Variants in NALF1 observed in about 807,000 individuals in gnomAD.
NALF1 encodes the protein NALCN channel auxiliary factor 1.
Under a neutral mutation model 48.4 loss-of-function variants are expected in NALF1, and 3 were observed. The ratio of observed to expected loss-of-function variants is 0.06; its 90% confidence interval spans 0.03 to 0.16. The LOEUF is 0.16. Among genes scored for constraint, NALF1 ranks in the 10% least tolerant of loss-of-function variants. The pLI, the probability that NALF1 is intolerant of heterozygous loss-of-function variation, is 1.00. For synonymous variants in NALF1, 262 were observed against 245.7 expected, an observed-to-expected ratio of 1.07 and a Z score of -0.62; for missense variants, 526 against 571.5, an observed-to-expected ratio of 0.92 and a Z score of 0.81.
intron 1 of NALF1, among the ~76,000 whole-genome samples, chr13:107,390,893 T>C (rs977745670): frequency 2.7e-5 from 4 of 150,884 alleles, no homozygotes; most frequent in Admixed American, 2.6e-4. Context: ...ATAATAATAA[T>C]AATAATAATA....
intron 1 of NALF1, among the ~76,000 whole-genome samples, chr13:107,582,473 T>C (rs909768677): frequency 1.3e-5 from 2 of 152,144 alleles, no homozygotes; most frequent in Non-Finnish European, 2.9e-5. Flanking sequence ...TTCCAAAAGA[T>C]AACCCTTGCA....
At chr13:107,282,545 T>G (rs981814376) in intron 1 of NALF1, among the ~76,000 whole-genome samples, 1 of 152,184 alleles carries the variant, frequency 6.6e-6, no homozygotes, top group Non-Finnish European at 1.5e-5. Context: ...AGGGTTAGAC[T>G]TTTTAACCAG....
rs548113181 is a variant in NALF1, at chr13:107,288,187, T to C, written c.916-77432A>G. On this transcript the variant is annotated intron_variant, in intron 1 of 2. Coordinates refer to ENST00000375915, the MANE Select transcript of NALF1 (RefSeq NM_001080396.3). ...TATATTTAATAGAAGATTAGTTTTGTCTCTCATTAAGAAATATATATGATC... is the reference window on the plus strand; with the variant it reads ...TATATTTAATAGAAGATTAGTTTTGCCTCTCATTAAGAAATATATATGATC... 5.9e-5 allele frequency among the ~76,000 whole-genome samples: 9 copies of C among 151,978 alleles called. No individual in the cohort carries two copies. The East Asian group carries it at 1.7e-3, about 30-fold the overall frequency.
At chr13:107,855,278 C>G (rs907966838) in intron 1 of NALF1, among the ~76,000 whole-genome samples, 18 of 152,224 alleles carry the variant, frequency 1.2e-4, no homozygotes, top group Non-Finnish European at 2.5e-4. Context: ...ATTGTCCAAC[C>G]CCCGGCCCGT....
At chr13:107,702,124 G>C (rs1341886432) in intron 1 of NALF1, among the ~76,000 whole-genome samples, 1 of 152,118 alleles carries the variant, frequency 6.6e-6, no homozygotes, top group African/African-American at 2.4e-5. Flanking sequence ...TGGAATTGTT[G>C]ACAACCCTGT....
intron 1 of NALF1, among the ~76,000 whole-genome samples, chr13:107,593,866 C>T (rs1241774123): frequency 4.0e-5 from 6 of 150,978 alleles, no homozygotes; most frequent in Non-Finnish European, 8.9e-5. Context: ...TAGAGATTGT[C>T]TTGGATCAGG....
At chr13:107,380,601 C>A (rs1337760688) in intron 1 of NALF1, among the ~76,000 whole-genome samples, 1 of 151,944 alleles carries the variant, frequency 6.6e-6, no homozygotes, top group Non-Finnish European at 1.5e-5. Context: ...AAGGTATATT[C>A]CAGAAATAAA....
At chr13:107,664,200 A>G (rs1880800090) in intron 1 of NALF1, among the ~76,000 whole-genome samples, 1 of 152,098 alleles carries the variant, frequency 6.6e-6, no homozygotes, top group Admixed American at 6.6e-5. Flanking sequence ...TGCAGGACAA[A>G]CCTAATGAAT....
intron 1 of NALF1, among the ~76,000 whole-genome samples, chr13:107,546,762 T>C (rs1371248692): frequency 1.3e-5 from 2 of 152,172 alleles, no homozygotes; most frequent in African/African-American, 4.8e-5. Flanking sequence ...ATACAAATAT[T>C]GTGATATACG....
chr13:107,703,617 T>A (rs1881879330), intron 1 of NALF1, among the ~76,000 whole-genome samples: 1 of 152,162 alleles, frequency 6.6e-6, no homozygotes, highest in Non-Finnish European at 1.5e-5. Flanking sequence ...CAACCCAAAG[T>A]GCATTTGCTT....
rs184851085 is a variant in NALF1, at chr13:107,485,801, C to T, written c.916-275046G>A. ...CAAAATCAAAAATCTTTTATGTACA[C>T]TCAGGGTCTTTGTTTAGGTGGCTTT... On this transcript the variant is annotated intron_variant, in intron 1 of 2. Transcript: ENST00000375915. Among the ~76,000 whole-genome samples the T allele has an allele frequency of 1.2e-3, 183 of 152,310 alleles. 2 individuals are homozygous for T. Among genetic ancestry groups the T allele is most frequent in the Middle Eastern group, 0.01 (3 of 294 alleles).
intron 1 of NALF1, among the ~76,000 whole-genome samples, chr13:107,431,061 CA>C (rs1439558413): frequency 7.1e-6 from 1 of 141,374 alleles, no homozygotes; most frequent in African/African-American, 2.5e-5. Flanking sequence ...TGATGATGAG[CA>C]TTTTTTCGTG....
chr13:107,396,142 C>T (rs1026751379), intron 1 of NALF1, among the ~76,000 whole-genome samples: 5 of 152,066 alleles, frequency 3.3e-5, no homozygotes, highest in African/African-American at 1.2e-4. Flanking sequence ...ACTGTGTCCT[C>T]CCGTGGCAGA....
intron 1 of NALF1, among the ~76,000 whole-genome samples, chr13:107,766,326 G>A (rs9520576): frequency 0.091 from 13,840 of 152,198 alleles, 750 homozygotes; most frequent in East Asian, 0.17. Context: ...GAGAAATGCT[G>A]CTTTGCAAAA....
intron 1 of NALF1, among the ~76,000 whole-genome samples, chr13:107,232,808 C>G (rs1489479259): frequency 1.3e-5 from 2 of 152,092 alleles, no homozygotes; most frequent in African/African-American, 2.4e-5. Context: ...TTTTTTCGAG[C>G]ACTCACTCTT....
intron 1 of NALF1, among the ~76,000 whole-genome samples, chr13:107,647,046 T>C (rs1323978688): frequency 2.0e-5 from 3 of 152,092 alleles, no homozygotes. Flanking sequence ...ATGCTTATTG[T>C]AGCTTTATTT....
At chr13:107,346,959 C>G (rs1882783854) in intron 1 of NALF1, among the ~76,000 whole-genome samples, 1 of 152,038 alleles carries the variant, frequency 6.6e-6, no homozygotes, top group Non-Finnish European at 1.5e-5. Flanking sequence ...GCCTTTAAAA[C>G]AATATTTATG....
At chr13:107,761,958 G>A (rs772851294) in intron 1 of NALF1, among the ~76,000 whole-genome samples, 29 of 152,296 alleles carry the variant, frequency 1.9e-4, no homozygotes, top group Admixed American at 1.1e-3. Flanking sequence ...TAAGTGCTAT[G>A]TAAATGTCAG....
chr13:107,801,344 G>C (rs900815942), intron 1 of NALF1, among the ~76,000 whole-genome samples: 1 of 152,278 alleles, frequency 6.6e-6, no homozygotes. Flanking sequence ...TAGGACAGTG[G>C]ATTAAATGGT....
Sources: allele counts gnomAD v4.1 joint callset (sites outside exome capture counted in the v4.1 genomes callset), GRCh38; gene constraint gnomAD v4.1.1; transcripts MANE v1.5; gene names NCBI Gene and HGNC (gene_info 2026-07-23, HGNC 2026-07-21).